The following SLC2A13 variants were observed in gnomAD, a reference collection of about 807,000 sequenced individuals.
SLC2A13 encodes proton myo-inositol cotransporter.
A neutral mutation model predicts 64.4 loss-of-function variants in SLC2A13; 32 were observed. The observed-to-expected ratio is 0.50, with a 90% confidence interval of 0.37 to 0.67. The LOEUF (loss-of-function observed/expected upper bound fraction) is 0.67. Among genes scored for constraint, SLC2A13 ranks in the 30% least tolerant of loss-of-function variants. The pLI, the probability that SLC2A13 is intolerant of heterozygous loss-of-function variation, is 0.00. For synonymous variants in SLC2A13, 338 were observed against 327.1 expected (o/e 1.03, Z -0.36); for missense variants, 743 against 829.2 (o/e 0.90, Z 1.28).
At chr12:39,815,451 T>C (rs1044025844) in intron 7 of SLC2A13, among the ~76,000 whole-genome samples, 19 of 152,182 alleles carry the variant, frequency 1.2e-4, no homozygotes, top group Non-Finnish European at 2.5e-4. Flanking sequence ...ATAGGACTCG[T>C]AGGCTGGAGC....
intron 3 of SLC2A13, among the ~76,000 whole-genome samples, chr12:39,976,485 T>G (rs1946760385): frequency 6.6e-6 from 1 of 152,226 alleles, no homozygotes; most frequent in Non-Finnish European, 1.5e-5. Context: ...ACGATTCATT[T>G]GAAATTAGAA....
intron 7 of SLC2A13, among the ~76,000 whole-genome samples, chr12:39,794,995 T>C (rs1256589030): frequency 6.6e-6 from 1 of 152,190 alleles, no homozygotes; most frequent in African/African-American, 2.4e-5. Flanking sequence ...AGTCTCATTC[T>C]AATCTGTTTG....
intron 4 of SLC2A13, among the ~76,000 whole-genome samples, chr12:39,935,313 C>T (rs1039486632): frequency 6.6e-6 from 1 of 152,210 alleles, no homozygotes; most frequent in African/African-American, 2.4e-5. Flanking sequence ...TAGCCTGTCA[C>T]TAATTCTAAT....
At chr12:40,032,809 T>C (rs1309455507) in intron 2 of SLC2A13, among the ~76,000 whole-genome samples, 1 of 152,180 alleles carries the variant, frequency 6.6e-6, no homozygotes, top group Non-Finnish European at 1.5e-5. Flanking sequence ...TCTGCTTCCT[T>C]AAGTTACAGA....
chr12:39,865,262 T>C (rs1943878571), intron 5 of SLC2A13, among the ~76,000 whole-genome samples: 1 of 152,226 alleles, frequency 6.6e-6, no homozygotes. Context: ...AGACAATAGA[T>C]TTCCATCAAG....
At chr12:39,828,952 CAT>C (rs1196885946) in intron 7 of SLC2A13, among the ~76,000 whole-genome samples, 1 of 152,064 alleles carries the variant, frequency 6.6e-6, no homozygotes, top group Non-Finnish European at 1.5e-5. Flanking sequence ...ACTCAACTAA[CAT>C]ATAATTTACT....
At chr12:40,019,935 C>T (rs889839166) in intron 3 of SLC2A13, among the ~76,000 whole-genome samples, 4 of 152,100 alleles carry the variant, frequency 2.6e-5, no homozygotes, top group African/African-American at 7.2e-5. Context: ...GAAGGCTCAA[C>T]GTTTCAAGAA....
At chr12:39,912,269 G>A (rs1945444504) in intron 4 of SLC2A13, among the ~76,000 whole-genome samples, 1 of 151,984 alleles carries the variant, frequency 6.6e-6, no homozygotes, top group Non-Finnish European at 1.5e-5. Flanking sequence ...TCTCAGCATT[G>A]ACTGCCATTG....
At chr12:39,846,658 C>T (rs1943322123) in intron 6 of SLC2A13, among the ~76,000 whole-genome samples, 1 of 152,062 alleles carries the variant, frequency 6.6e-6, no homozygotes, top group South Asian at 2.1e-4. Flanking sequence ...TGCCACGTTG[C>T]CCAGGCTGCT....
At chr12:40,087,053 T>A (rs1319801785) in intron 1 of SLC2A13, among the ~76,000 whole-genome samples, 1 of 152,180 alleles carries the variant, frequency 6.6e-6, no homozygotes, top group African/African-American at 2.4e-5. Context: ...TGATTTCCTC[T>A]AATCTCAGGC....
chr12:39,825,429 A>G (rs187908284), intron 7 of SLC2A13, among the ~76,000 whole-genome samples: 21 of 152,286 alleles, frequency 1.4e-4, no homozygotes, highest in African/African-American at 4.3e-4. Context: ...CTGCTCCCCT[A>G]TAAGAAGTGG....
intron 6 of SLC2A13, among the ~76,000 whole-genome samples, chr12:39,862,642 C>G (rs1005701290): frequency 1.3e-5 from 2 of 152,176 alleles, no homozygotes; most frequent in Non-Finnish European, 2.9e-5. Flanking sequence ...CTTCACTCAT[C>G]TTAAGGTATT....
intron 7 of SLC2A13, chr12:39,819,965 A>C (rs1205199269): frequency 1.3e-5 from 2 of 152,292 alleles, no homozygotes; most frequent in Admixed American, 6.5e-5. Flanking sequence ...TTATCTTTGC[A>C]GGTATAAATG....
At chr12:39,767,290 T>G (rs1471552055) in intron 7 of SLC2A13, among the ~76,000 whole-genome samples, 1 of 116,690 alleles carries the variant, frequency 8.6e-6, no homozygotes, top group Non-Finnish European at 1.7e-5. Context: ...GCAGTAATAT[T>G]TTGAAAGGAA....
intron 7 of SLC2A13, 190 bp downstream of exon 7, chr12:39,829,913 C>G: frequency 1.4e-6 from 1 of 718,098 alleles, no homozygotes; most frequent in Non-Finnish European, 2.2e-6. Context: ...GGCCTGAGTG[C>G]TTTCTACTCT....
At chr12:39,853,616 T>C (rs990363051) in intron 6 of SLC2A13, among the ~76,000 whole-genome samples, 2 of 151,830 alleles carry the variant, frequency 1.3e-5, no homozygotes, top group Admixed American at 6.6e-5. Context: ...TCTTTTTTTT[T>C]TTGTTAAGTA....
rs79870188 is a variant in SLC2A13, at chr12:39,854,675, C to T, written c.1319+10087G>A. Among the ~76,000 whole-genome samples the T allele has an allele frequency of 2.2e-3, 329 of 152,282 alleles. 1 individual carries two copies. Among genetic ancestry groups the T allele is most frequent in the African/African-American group, 7.6e-3 (316 of 41,554 alleles). Reference sequence around the variant, plus strand: ...AAAGCTCAGCTTTGATCATGGTACCCTCCTTGCTTGATGCTGTTGACTGGC... The same window carrying T: ...AAAGCTCAGCTTTGATCATGGTACCTTCCTTGCTTGATGCTGTTGACTGGC... On this transcript the variant is annotated intron_variant, in intron 6 of 9. Coordinates refer to ENST00000280871, the MANE Select transcript of SLC2A13 (RefSeq NM_052885.4).
intron 4 of SLC2A13, among the ~76,000 whole-genome samples, chr12:39,874,093 G>A (rs1944121887): frequency 6.6e-6 from 1 of 152,228 alleles, no homozygotes; most frequent in South Asian, 2.1e-4. Context: ...AAAAGCAACA[G>A]TGAGGCACAA....
At chr12:39,896,480 G>T (rs910234954) in intron 4 of SLC2A13, among the ~76,000 whole-genome samples, 1 of 145,296 alleles carries the variant, frequency 6.9e-6, no homozygotes, top group African/African-American at 2.5e-5. Context: ...ATATGTATAT[G>T]TGTATATATG....
Sources: gnomAD v4.1 joint callset for allele counts (sites outside exome capture counted in the v4.1 genomes callset) on GRCh38, gnomAD v4.1.1 for gene constraint, MANE v1.5 for transcripts, NCBI Gene and HGNC (gene_info 2026-07-23, HGNC 2026-07-21) for gene names.